VAV2: variants seen among roughly 807,000 people sequenced by gnomAD.
VAV2 encodes guanine nucleotide exchange factor VAV2.
Under a neutral mutation model 132.5 loss-of-function variants are expected in VAV2, and 67 were observed. The ratio of observed to expected loss-of-function variants is 0.51; its 90% confidence interval spans 0.42 to 0.62. The LOEUF (loss-of-function observed/expected upper bound fraction) is 0.62, where lower values mean the gene tolerates loss of function less well. Ranked by LOEUF, VAV2 falls within the 20% of genes least tolerant of loss-of-function variation. VAV2 has a pLI of 0.00. For missense variants in VAV2, 938 were observed against 1,153.6 expected, an observed-to-expected ratio of 0.81 and a Z score of 2.71; for synonymous variants, 492 against 443.5, an observed-to-expected ratio of 1.11 and a Z score of -1.37.
At chr9:133,832,387 C>G (rs1217447190) in intron 4 of VAV2, among the ~76,000 whole-genome samples, 1 of 152,158 alleles carries the variant, frequency 6.6e-6, no homozygotes, top group African/African-American at 2.4e-5. Flanking sequence ...GCTGCAGACT[C>G]TGCTGGGGGT....
intron 16 of VAV2, 119 bp downstream of exon 16, chr9:133,787,127 C>T: frequency 8.5e-7 from 1 of 1,177,232 alleles, no homozygotes; most frequent in Non-Finnish European, 1.1e-6. Flanking sequence ...GGACGAAGGA[C>T]CAAGAAAACC....
chr9:133,880,789 T>C (rs1166978444), intron 2 of VAV2, among the ~76,000 whole-genome samples: 5 of 152,220 alleles, frequency 3.3e-5, no homozygotes, highest in African/African-American at 1.2e-4. Context: ...TCAATTTTGC[T>C]AAGTCTAAAA....
Position 133,802,122 on chromosome 9 carries a change from C to T in VAV2, c.836+3959G>A, listed in dbSNP as rs1834950738. Among the ~76,000 whole-genome samples, 1 of 152,042 alleles carries T rather than the reference C, an allele frequency of 6.6e-6. No individual in the cohort carries two copies. The highest frequency in any genetic ancestry group is 1.5e-5 in the Non-Finnish European group (1 of 68,018). On this transcript the variant is annotated intron_variant, in intron 9 of 29. Transcript: ENST00000371850. This position sits in a 1 kb window ranked among gnomAD's most constrained non-coding sequence, Gnocchi z 5.8. ...CCAGGGGGCACAGTTTGACTTTTCCCCGAAAAATGGAGAGAAAATGACAGT... is the reference window on the plus strand; with the variant it reads ...CCAGGGGGCACAGTTTGACTTTTCCTCGAAAAATGGAGAGAAAATGACAGT...
chr9:133,982,384 G>A (rs1410246592), intron 1 of VAV2, among the ~76,000 whole-genome samples: 1 of 152,114 alleles, frequency 6.6e-6, no homozygotes, highest in East Asian at 1.9e-4. Flanking sequence ...CACCTGGGAC[G>A]GGGCACGGCC....
At chr9:133,932,191 C>T (rs150496690) in intron 2 of VAV2, among the ~76,000 whole-genome samples, 7 of 152,332 alleles carry the variant, frequency 4.6e-5, no homozygotes, top group Admixed American at 2.6e-4. Flanking sequence ...GAGCTGGCGA[C>T]CCATGGGCTT....
At chr9:133,855,699 G>A (rs2156323) in intron 3 of VAV2, among the ~76,000 whole-genome samples, 14,157 of 152,256 alleles carry the variant, frequency 0.093, 817 homozygotes, top group South Asian at 0.14. Context: ...AAGGAAATGC[G>A]AGGTCACTGC....
intron 2 of VAV2, among the ~76,000 whole-genome samples, chr9:133,895,459 G>A (rs1839160509): frequency 6.6e-6 from 1 of 152,248 alleles, no homozygotes; most frequent in East Asian, 1.9e-4. Flanking sequence ...ACAAATTGCG[G>A]TGGAGCCACT....
At chr9:133,878,482 G>A (rs1838355104) in intron 2 of VAV2, among the ~76,000 whole-genome samples, 1 of 152,198 alleles carries the variant, frequency 6.6e-6, no homozygotes, top group Non-Finnish European at 1.5e-5. Context: ...TGAGATGGGG[G>A]CAGCGGCACC....
chr9:133,900,778 T>C (rs1053771502), intron 2 of VAV2, among the ~76,000 whole-genome samples: 1 of 145,884 alleles, frequency 6.9e-6, no homozygotes, highest in Non-Finnish European at 1.5e-5. Flanking sequence ...TTTATTTATT[T>C]ATTTATTTAT....
In VAV2 at chr9:133,778,839, C is replaced by T. The variant is rs148238092; in HGVS notation, c.1813G>A (p.Gly605Arg). ...GTCTGGAAGGTCAGCACAGGCTTCCCGGGAGGGGCTGGGTTGCCATGGTAA... is the reference window on the plus strand; with the variant it reads ...GTCTGGAAGGTCAGCACAGGCTTCCTGGGAGGGGCTGGGTTGCCATGGTAA... ...QNYHGNPAPPGKPVLTFQTGD... is the reference protein window; with the variant it reads ...QNYHGNPAPPRKPVLTFQTGD... The change falls in exon 22 of 30, where the codon GGG (glycine) becomes AGG (arginine). Residue 605 changes from glycine to arginine, a missense_variant. By Grantham distance (125) the Gly-to-Arg change is moderately radical (BLOSUM62 -2). Transcript: ENST00000371850. The T allele has an allele frequency of 9.5e-5, 153 of 1,612,868 alleles. No homozygotes were observed. The East Asian group carries it at 2.8e-3, about 30-fold the overall frequency.
At chr9:133,916,663 G>C (rs931453060) in intron 2 of VAV2, among the ~76,000 whole-genome samples, 3 of 152,186 alleles carry the variant, frequency 2.0e-5, no homozygotes, top group Non-Finnish European at 1.5e-5. Flanking sequence ...AGCTGAGCTG[G>C]AAGAAAGAGT....
intron 2 of VAV2, among the ~76,000 whole-genome samples, chr9:133,913,140 G>A (rs370212842): frequency 2.6e-5 from 4 of 152,118 alleles, no homozygotes; most frequent in Admixed American, 6.5e-5. Flanking sequence ...TGAGAGGGGC[G>A]CCCCCAACAC....
intron 3 of VAV2, among the ~76,000 whole-genome samples, chr9:133,851,481 G>A (rs901980911): frequency 6.6e-6 from 1 of 152,236 alleles, no homozygotes; most frequent in East Asian, 1.9e-4. Context: ...ATCAGCACCC[G>A]AGTGAACCAA....
intron 2 of VAV2, among the ~76,000 whole-genome samples, chr9:133,894,936 G>A (rs1464686644): frequency 3.3e-5 from 5 of 152,340 alleles, no homozygotes; most frequent in East Asian, 1.9e-4. Flanking sequence ...CAGCACAGGC[G>A]GAACACAGAG....
At chr9:133,929,567 A>T (rs1307811769) in intron 2 of VAV2, among the ~76,000 whole-genome samples, 1 of 152,056 alleles carries the variant, frequency 6.6e-6, no homozygotes, top group Non-Finnish European at 1.5e-5. Flanking sequence ...AGAGGAGAGG[A>T]ATAGAAGTGG....
intron 2 of VAV2, among the ~76,000 whole-genome samples, chr9:133,899,565 G>A (rs1353795559): frequency 6.6e-6 from 1 of 151,510 alleles, no homozygotes; most frequent in Non-Finnish European, 1.5e-5. Context: ...ACAGGCACCT[G>A]CCACCATACC....
chr9:133,957,842 A>G (rs2519113), intron 1 of VAV2, among the ~76,000 whole-genome samples: 47,356 of 96,760 alleles, frequency 0.49, 8,350 homozygotes, highest in East Asian at 0.59. Context: ...GTAGACATGG[A>G]AGACTCCATT....
At chr9:133,821,306 G>C (rs537749912) in intron 4 of VAV2, among the ~76,000 whole-genome samples, 10 of 152,234 alleles carry the variant, frequency 6.6e-5, no homozygotes, top group Non-Finnish European at 1.3e-4. Flanking sequence ...GGGCCGCAGT[G>C]GGTCTCTTGT....
intron 2 of VAV2, among the ~76,000 whole-genome samples, chr9:133,904,695 C>G (rs985011332): frequency 1.4e-4 from 22 of 152,250 alleles, no homozygotes; most frequent in Non-Finnish European, 1.0e-4. Context: ...AGGTGTGCAG[C>G]CAGGGCTCCG....
Sources: gnomAD v4.1 joint callset for allele counts (sites outside exome capture counted in the v4.1 genomes callset) on GRCh38, gnomAD v4.1.1 for gene constraint, Gnocchi (gnomAD v3.1) non-coding constraint, MANE v1.5 for transcripts, NCBI Gene and HGNC (gene_info 2026-07-23, HGNC 2026-07-21) for gene names.